The following RIMS1 variants were observed in gnomAD, a reference collection of about 807,000 sequenced individuals.
The protein encoded by RIMS1 is regulating synaptic membrane exocytosis 1.
In RIMS1, 83 loss-of-function variants were observed where a neutral mutation model predicts 214.1. That is an observed-to-expected ratio of 0.39 (90% CI 0.32 to 0.47). RIMS1 has a LOEUF of 0.47. Ranked by LOEUF, RIMS1 falls within the 20% of genes least tolerant of loss-of-function variation. The probability of loss-of-function intolerance (pLI) is 0.99; values close to 1 mark genes in which losing one functional copy is unlikely to be tolerated. For missense variants in RIMS1, 2,050 were observed against 2,161.8 expected (o/e 0.95, Z 1.03); for synonymous variants, 793 against 786.8 (o/e 1.01, Z -0.13).
At chr6:72,380,245 C>G (rs776839815) in intron 29 of RIMS1, among the ~76,000 whole-genome samples, 1 of 151,874 alleles carries the variant, frequency 6.6e-6, no homozygotes, top group Non-Finnish European at 1.5e-5. Flanking sequence ...CGGGGTTTGT[C>G]GTGGGGTGGA....
At chr6:72,252,604 A>G (rs1431202765) in intron 15 of RIMS1, among the ~76,000 whole-genome samples, 157 bp from the exon 16 acceptor site, 1 of 152,226 alleles carries the variant, frequency 6.6e-6, no homozygotes, top group African/African-American at 2.4e-5. Flanking sequence ...TTAGAGAACA[A>G]ACATTTCTTT....
At chr6:71,918,679 G>A (rs1779125342) in intron 1 of RIMS1, among the ~76,000 whole-genome samples, 1 of 152,096 alleles carries the variant, frequency 6.6e-6, no homozygotes, top group Non-Finnish European at 1.5e-5. Context: ...AATCTTGATG[G>A]TGTACAGAAG....
intron 29 of RIMS1, among the ~76,000 whole-genome samples, chr6:72,349,106 G>T (rs1003781208): frequency 2.0e-5 from 3 of 151,896 alleles, no homozygotes; most frequent in African/African-American, 7.2e-5. Flanking sequence ...GCAGTACATT[G>T]TGATACTCAT....
At chr6:72,184,345 A>G (rs867751060) in intron 6 of RIMS1, among the ~76,000 whole-genome samples, 30 of 152,158 alleles carry the variant, frequency 2.0e-4, no homozygotes, top group African/African-American at 6.5e-4. Flanking sequence ...GATAAATTCA[A>G]CCAGTGTAAG....
chr6:71,969,682 A>T (rs1341225643), intron 2 of RIMS1, among the ~76,000 whole-genome samples: 1 of 152,052 alleles, frequency 6.6e-6, no homozygotes, highest in African/African-American at 2.4e-5. Context: ...GGTAGTGGGC[A>T]TCTGTAATCC....
intron 2 of RIMS1, among the ~76,000 whole-genome samples, chr6:72,060,556 G>A (rs1208038316): frequency 6.6e-6 from 1 of 152,082 alleles, no homozygotes; most frequent in African/African-American, 2.4e-5. Flanking sequence ...AGGGCTACTT[G>A]TTACCAGATC....
chr6:72,061,454 A>G (rs1404434709), intron 2 of RIMS1, among the ~76,000 whole-genome samples: 1 of 152,216 alleles, frequency 6.6e-6, no homozygotes, highest in African/African-American at 2.4e-5. Context: ...ATTATGTTTA[A>G]TAGTAAGTAT....
chr6:72,127,568 A>C (rs1277956199), intron 4 of RIMS1, among the ~76,000 whole-genome samples: 1 of 152,172 alleles, frequency 6.6e-6, no homozygotes, highest in Non-Finnish European at 1.5e-5. Context: ...ACACTATCAA[A>C]GCATTATAAA....
In RIMS1 at chr6:72,242,346, C is replaced by T; in HGVS notation, c.1990C>T (p.Leu664=). 1 of 1,564,162 alleles carries T rather than the reference C, an allele frequency of 6.4e-7. No individual in the cohort carries two copies. The change falls in exon 10 of 34, where the codon CTG becomes TTG. Residue 664 remains leucine, a synonymous_variant. Transcript: ENST00000521978. ...AGTTCTAGAATGGAATGGTAAACCC[C>T]TGCCGGGAGCTACAAATGAAGAAGT... The part of the protein sequence containing the change: ...DEVLEWNGKP[L]PGATNEEVYN...
chr6:71,903,023 A>G (rs909250001), intron 1 of RIMS1, among the ~76,000 whole-genome samples: 3 of 152,160 alleles, frequency 2.0e-5, no homozygotes, highest in African/African-American at 7.2e-5. Context: ...GATGATTTAT[A>G]TTCCTTTGGG....
At chr6:72,307,066 G>C (rs1328426772) in intron 26 of RIMS1, among the ~76,000 whole-genome samples, 192 bp from the exon 27 acceptor site, 1 of 152,048 alleles carries the variant, frequency 6.6e-6, no homozygotes, top group East Asian at 1.9e-4. Context: ...TGTGTAATTT[G>C]AATCATGTTC....
intron 9 of RIMS1, among the ~76,000 whole-genome samples, chr6:72,238,414 C>T (rs985428988): frequency 6.6e-6 from 1 of 151,938 alleles, no homozygotes; most frequent in Admixed American, 6.6e-5. Flanking sequence ...ATTTCTTATA[C>T]AGATTGTATA....
At chr6:72,040,306 T>G (rs917338430) in intron 2 of RIMS1, among the ~76,000 whole-genome samples, 4 of 152,062 alleles carry the variant, frequency 2.6e-5, no homozygotes, top group Admixed American at 2.6e-4. Flanking sequence ...TTCAGCCATC[T>G]GTTGTTTGGA....
At chr6:72,054,020 C>A (rs757675442) in intron 2 of RIMS1, among the ~76,000 whole-genome samples, 1 of 151,962 alleles carries the variant, frequency 6.6e-6, no homozygotes, top group African/African-American at 2.4e-5. Context: ...AACCTTTCAT[C>A]GAGGTTTTAA....
intron 4 of RIMS1, among the ~76,000 whole-genome samples, chr6:72,177,170 T>C (rs1403351202): frequency 2.0e-5 from 3 of 152,234 alleles, no homozygotes; most frequent in African/African-American, 4.8e-5. Flanking sequence ...AATTTGTGTT[T>C]TCTGGTTTTT....
chr6:72,358,197 GC>G (rs2097708470), intron 29 of RIMS1, among the ~76,000 whole-genome samples: 1 of 152,012 alleles, frequency 6.6e-6, no homozygotes, highest in Admixed American at 6.6e-5. Flanking sequence ...TAGATTAGAA[GC>G]ATAGGTACTG....
At chr6:72,118,856 G>C (rs4431397) in intron 4 of RIMS1, among the ~76,000 whole-genome samples, 54,746 of 151,308 alleles carry the variant, frequency 0.36, 11,235 homozygotes, top group Non-Finnish European at 0.45. Context: ...GATGGATCCA[G>C]AATGAACATT....
chr6:71,978,974 G>T (rs1368723605), intron 2 of RIMS1, among the ~76,000 whole-genome samples: 1 of 152,100 alleles, frequency 6.6e-6, no homozygotes, highest in African/African-American at 2.4e-5. Flanking sequence ...TTAAAAAATT[G>T]TGTGGCTTTT....
At chr6:72,132,659 G>C (rs776332732) in intron 4 of RIMS1, among the ~76,000 whole-genome samples, 6 of 150,530 alleles carry the variant, frequency 4.0e-5, no homozygotes, top group Non-Finnish European at 7.4e-5. Flanking sequence ...TTGGAGAATG[G>C]TATTACTCAA....
Sources: gnomAD v4.1 joint callset for allele counts (sites outside exome capture counted in the v4.1 genomes callset) on GRCh38, gnomAD v4.1.1 for gene constraint, MANE v1.5 for transcripts, NCBI Gene and HGNC (gene_info 2026-07-23, HGNC 2026-07-21) for gene names.